The following FCRL1 variants were observed in gnomAD, a reference collection of about 807,000 sequenced individuals.
The protein encoded by FCRL1 is Fc receptor-like protein 1.
FCRL1 carries 34 observed loss-of-function variants against 49.2 expected under a neutral mutation model. The observed-to-expected ratio is 0.69, with a 90% CI of 0.53 to 0.92. The LOEUF is 0.92. Among genes scored for constraint, FCRL1 ranks in the 40% least tolerant of loss-of-function variants. FCRL1 has a pLI of 0.00. For synonymous variants in FCRL1, 218 were observed against 201.6 expected, an observed-to-expected ratio of 1.08 and a Z score of -0.69; for missense variants, 524 against 524.1, an observed-to-expected ratio of 1.00 and a Z score of 0.00.
intron 2 of FCRL1, 126 bp downstream of exon 2, chr1:157,806,976 C>A: frequency 2.0e-6 from 2 of 1,002,792 alleles, no homozygotes; most frequent in Non-Finnish European, 1.5e-6. Flanking sequence ...TACACCTCAG[C>A]AGCTGTCACC....
rs1417827031 is a variant in FCRL1 at position 157,807,102 on chromosome 1, C to T, written c.52G>A (p.Glu18Lys). 7 of 1,613,590 alleles carry T rather than the reference C, an allele frequency of 4.3e-6. No individual in the cohort carries two copies. The highest frequency in any genetic ancestry group is 2.2e-5 in the South Asian group (2 of 90,962). The change falls in exon 2 of 11, where the codon GAG becomes AAG. Residue 18 changes from glutamate (E) to lysine (K), a missense_variant and splice_region_variant. Coordinates refer to ENST00000368176, the MANE Select transcript of FCRL1 (RefSeq NM_052938.5). ...LICAPLCEPA[E>K]LFLIASPSHP... ...AAGAAGAAAAGGAAGTGCAACTCACCGGCAGGTTCACAGAGTGGAGCTGGG... is the reference window on the plus strand; with the variant it reads ...AAGAAGAAAAGGAAGTGCAACTCACTGGCAGGTTCACAGAGTGGAGCTGGG...
chr1:157,798,078 G>C, intron 8 of FCRL1, 83 bp downstream of exon 8: 1 of 1,522,104 alleles, frequency 6.6e-7, no homozygotes, highest in Non-Finnish European at 9.1e-7. Flanking sequence ...AGCAAAGTCA[G>C]GTTTGGCTAG....
intron 1 of FCRL1, among the ~76,000 whole-genome samples, chr1:157,813,546 T>C (rs1654627780): frequency 6.6e-6 from 1 of 152,172 alleles, no homozygotes; most frequent in South Asian, 2.1e-4. Flanking sequence ...CCCAGTTAGC[T>C]GAGGAAAATT....
rs140733587 is a variant in FCRL1, at chr1:157,817,354, G to A, written c.31+2653C>T. 2.6e-3 allele frequency among the ~76,000 whole-genome samples: 398 copies of A among 152,112 alleles called. 2 individuals are homozygous for A. Among genetic ancestry groups the A allele is most frequent in the African/African-American group, 8.9e-3 (371 of 41,526 alleles). On this transcript the variant is annotated intron_variant, in intron 1 of 10. Transcript: ENST00000368176. ...ACATAGACCAATGAAACAGAATAGA[G>A]AGCCCGGAAATAAATCCACACATTT...
chr1:157,798,559 G>A (rs1651918718), intron 7 of FCRL1, among the ~76,000 whole-genome samples: 1 of 152,040 alleles, frequency 6.6e-6, no homozygotes, highest in Admixed American at 6.6e-5. Context: ...CACTCCAGAT[G>A]GAAAACACTT....
chr1:157,802,771 A>C (rs1652751531), intron 3 of FCRL1, 107 bp from the exon 4 acceptor site: 1 of 1,185,650 alleles, frequency 8.4e-7, no homozygotes. Context: ...GAAGTCAATG[A>C]TGTATATAGC....
chr1:157,795,885 AG>A lies in FCRL1; in HGVS notation c.*213del. ...GGCAGGAATCTGGTTCTGATAACAA[AG>A]TCCCTGTCACTCCTGTGTCTATTAG... On this transcript the variant is annotated 3_prime_UTR_variant, in exon 11 of 11. Coordinates refer to ENST00000368176, the MANE Select transcript of FCRL1 (RefSeq NM_052938.5). 2.1e-6 allele frequency: 1 copy of A among 476,710 alleles called. No individual in the cohort carries two copies. The highest frequency in any genetic ancestry group is 3.8e-6 in the Non-Finnish European group (1 of 265,002). The allele number at this position is 476,710 out of a possible 1,614,324, so 29.5% of individuals were successfully genotyped here.
At position 157,804,246 on chromosome 1, in the gene FCRL1, A is replaced by ACCC. The variant is rs58174605; in HGVS notation, c.53-138_53-136dup. 2,357 of 749,462 alleles carry ACCC rather than the reference A, an allele frequency of 3.1e-3. 46 individuals carry two copies. In the African/African-American group the frequency reaches 0.039, roughly 13 times the overall value. The allele number at this position is 749,462 out of a possible 1,614,324, so 46.4% of individuals were successfully genotyped here. ...CACACAGGCCACCCTACATGTCTCC[A>ACCC]CCCCCCCCCCAGTGGCCCATGGGCT... is the stretch of plus-strand genomic sequence containing the variant. On this transcript the variant is annotated intron_variant, in intron 2 of 10. Coordinates refer to ENST00000368176, the MANE Select transcript of FCRL1 (RefSeq NM_052938.5).
intron 1 of FCRL1, among the ~76,000 whole-genome samples, chr1:157,817,896 A>T (rs896230127): frequency 6.6e-6 from 1 of 152,208 alleles, no homozygotes; most frequent in Non-Finnish European, 1.5e-5. Flanking sequence ...CAACAGGTAT[A>T]TGAAAAAATG....
chr1:157,806,947 A>C (rs1417408319), intron 2 of FCRL1, 155 bp downstream of exon 2: 59 of 713,800 alleles, frequency 8.3e-5, no homozygotes, highest in Non-Finnish European at 1.2e-4. Context: ...CCCAGGCCCA[A>C]GGGAGCCACT....
chr1:157,809,542 G>A (rs1450066990), intron 1 of FCRL1, among the ~76,000 whole-genome samples: 8 of 152,142 alleles, frequency 5.3e-5, no homozygotes, highest in Admixed American at 6.5e-5. Flanking sequence ...TCCACCTCTC[G>A]GGTTCAAGCG....
At chr1:157,799,379 T>G (rs1178352280) in intron 7 of FCRL1, among the ~76,000 whole-genome samples, 1 of 152,192 alleles carries the variant, frequency 6.6e-6, no homozygotes, top group Non-Finnish European at 1.5e-5. Flanking sequence ...GAGCATGGAA[T>G]GTTCTTCCAT....
Position 157,803,874 on chromosome 1 carries a change from C to T in FCRL1, c.290G>A (p.Arg97Lys). The T allele has an allele frequency of 1.9e-6, 3 of 1,614,230 alleles. No individual in the cohort carries two copies. Among genetic ancestry groups the T allele is most frequent in the Non-Finnish European group, 2.5e-6 (3 of 1,180,040 alleles). The change falls in exon 3 of 11, where the codon AGG becomes AAG. Residue 97 changes from arginine (R) to lysine (K), a missense_variant. By Grantham distance (26) the Arg-to-Lys change is conservative. Coordinates refer to ENST00000368176, the MANE Select transcript of FCRL1 (RefSeq NM_052938.5). ...EAQTMASKVL[R>K]SRRSQINVHR... is the part of the protein sequence containing the mutation. ...CACATTTATCTGGGATCTCCTGCTC[C>T]TCAAGACTTTGGACGCCATTGTCTG... is the stretch of plus-strand genomic sequence containing the variant.
intron 3 of FCRL1, 149 bp from the exon 4 acceptor site, chr1:157,802,813 G>T: frequency 1.4e-6 from 1 of 735,646 alleles, no homozygotes; most frequent in East Asian, 2.7e-5. Context: ...GGGGTCTGCT[G>T]ATTGGTTGGG....
At chr1:157,810,604 T>C (rs796412293) in intron 1 of FCRL1, among the ~76,000 whole-genome samples, 50 of 152,066 alleles carry the variant, frequency 3.3e-4, no homozygotes, top group African/African-American at 1.2e-3. Context: ...GCCGGGAAAT[T>C]TTTGAAGGGA....
chr1:157,797,846 A>G lies in FCRL1; in HGVS notation c.1186+22T>C, dbSNP rs201981612. ...CTGGGAAAGACAAAAGTCAGAGACA[A>G]ATTTACTCCCCCATGTCTCACCTGC... On this transcript the variant is annotated intron_variant, in intron 9 of 10. Coordinates refer to ENST00000368176, the MANE Select transcript of FCRL1 (RefSeq NM_052938.5). 23 of 1,614,100 alleles carry G rather than the reference A, an allele frequency of 1.4e-5. No homozygotes were observed. The African/African-American group carries it at 3.1e-4, about 22-fold the overall frequency.
At chr1:157,808,970 G>A (rs759821037) in intron 1 of FCRL1, among the ~76,000 whole-genome samples, 7 of 152,214 alleles carry the variant, frequency 4.6e-5, no homozygotes, top group Non-Finnish European at 8.8e-5. Flanking sequence ...GGGAAAATAG[G>A]TTAAGTTTTG....
chr1:157,812,088 G>C (rs1206186227), intron 1 of FCRL1, among the ~76,000 whole-genome samples: 2 of 152,262 alleles, frequency 1.3e-5, no homozygotes, highest in Middle Eastern at 3.4e-3. Flanking sequence ...CAGACCAACT[G>C]CATGCTCCCT....
intron 1 of FCRL1, among the ~76,000 whole-genome samples, chr1:157,819,148 G>A (rs1386341809): frequency 6.6e-6 from 1 of 152,168 alleles, no homozygotes; most frequent in Admixed American, 6.5e-5. Context: ...GAACAGAGAA[G>A]TATGAGGTGA....
Sources: allele counts gnomAD v4.1 joint callset (sites outside exome capture counted in the v4.1 genomes callset), GRCh38; gene constraint gnomAD v4.1.1; transcripts MANE v1.5; gene names NCBI Gene and HGNC (gene_info 2026-07-23, HGNC 2026-07-21).